The following VDAC1 variants were observed in gnomAD, a reference collection of about 807,000 sequenced individuals.
VDAC1 encodes the protein voltage dependent anion channel 1.
In VDAC1, 10 loss-of-function variants were observed where a neutral mutation model predicts 34.7. The ratio of observed to expected loss-of-function variants is 0.29; its 90% CI spans 0.18 to 0.49. The LOEUF (loss-of-function observed/expected upper bound fraction) is 0.49, where lower values mean the gene tolerates loss of function less well. Ranked by LOEUF, VDAC1 falls within the 20% of genes least tolerant of loss-of-function variation. The pLI is 0.99. For missense variants in VDAC1, 230 were observed against 347.9 expected (o/e 0.66, Z 2.69); for synonymous variants, 130 against 136.0 (o/e 0.96, Z 0.30).
the VDAC1 span, among the ~76,000 whole-genome samples, chr5:134,060,218 A>G: frequency 6.6e-6 from 1 of 151,862 alleles, no homozygotes; most frequent in Non-Finnish European, 1.5e-5. Context: ...TAATAATAAT[A>G]ATACTGGTCA....
chr5:134,022,238 C>T, the VDAC1 span, among the ~76,000 whole-genome samples: 9 of 147,562 alleles, frequency 6.1e-5, no homozygotes, highest in African/African-American at 2.2e-4. Context: ...CTGCTCTAAA[C>T]ACCAGCTCCC....
chr5:134,083,710 A>AGGGT, the VDAC1 span, among the ~76,000 whole-genome samples: 202 of 152,320 alleles, frequency 1.3e-3, 1 homozygote, highest in East Asian at 0.022. Flanking sequence ...ACCAAAAGCA[A>AGGGT]CTATGTGCCA....
chr5:133,990,168 GA>G (rs1294524772), intron 5 of VDAC1, among the ~76,000 whole-genome samples: 4 of 152,238 alleles, frequency 2.6e-5, no homozygotes, highest in Admixed American at 2.0e-4. Context: ...TGATGGTCAA[GA>G]ACTAACAAGC....
intron 5 of VDAC1, among the ~76,000 whole-genome samples, chr5:133,981,390 G>A (rs185690789): frequency 4.6e-5 from 7 of 152,232 alleles, no homozygotes; most frequent in East Asian, 3.9e-4. Context: ...TTAAAGAGAC[G>A]GTTTTCTTCT....
chr5:134,041,748 C>T, the VDAC1 span, among the ~76,000 whole-genome samples: 1 of 152,156 alleles, frequency 6.6e-6, no homozygotes, highest in Non-Finnish European at 1.5e-5. Context: ...TTGCATGGCC[C>T]CATGAGGAGC....
At chr5:133,994,117 A>G (rs1753207515) in intron 1 of VDAC1, among the ~76,000 whole-genome samples, 1 of 152,210 alleles carries the variant, frequency 6.6e-6, no homozygotes, top group Non-Finnish European at 1.5e-5. Flanking sequence ...TCACACAAAT[A>G]AACACATATA....
chr5:134,026,541 A>T, the VDAC1 span, among the ~76,000 whole-genome samples: 14 of 140,726 alleles, frequency 9.9e-5, no homozygotes, highest in Non-Finnish European at 6.2e-5. Flanking sequence ...AAAAAAAAAC[A>T]CTAAACATTT....
the VDAC1 span, among the ~76,000 whole-genome samples, chr5:134,068,022 G>A: frequency 6.6e-6 from 1 of 152,150 alleles, no homozygotes; most frequent in Non-Finnish European, 1.5e-5. Flanking sequence ...GGAGGCTGAG[G>A]CAGGAGAGTC....
the VDAC1 span, among the ~76,000 whole-genome samples, chr5:134,062,744 A>G: frequency 0.65 from 98,338 of 151,268 alleles, 32,913 homozygotes; most frequent in East Asian, 0.79. Context: ...CTCCCGCCTC[A>G]GCCTCCTGAG....
the VDAC1 span, among the ~76,000 whole-genome samples, chr5:134,013,834 C>T: frequency 2.0e-5 from 3 of 151,988 alleles, no homozygotes; most frequent in African/African-American, 4.8e-5. Context: ...CCCAGCTACT[C>T]GGGAGGCTGA....
At chr5:134,001,041 C>T (rs79271881) in intron 1 of VDAC1, among the ~76,000 whole-genome samples, 2,314 of 152,314 alleles carry the variant, frequency 0.015, 52 homozygotes, top group African/African-American at 0.052. Context: ...TGTCCACTGC[C>T]AGTTGGCCCG....
chr5:134,081,807 C>A, the VDAC1 span: 4 of 152,708 alleles, frequency 2.6e-5, 1 homozygote, highest in Non-Finnish European at 4.4e-5. Context: ...AAGAAAATCA[C>A]TGAGGCTGGA....
the VDAC1 span, among the ~76,000 whole-genome samples, chr5:134,023,978 CA>C: frequency 0.072 from 8,596 of 119,554 alleles, 357 homozygotes; most frequent in East Asian, 0.18. Flanking sequence ...ACTAAAAATA[CA>C]AAAAAAAAAA....
intron 5 of VDAC1, among the ~76,000 whole-genome samples, chr5:133,986,136 C>T (rs564613318): frequency 5.4e-4 from 83 of 152,298 alleles, no homozygotes; most frequent in African/African-American, 1.9e-3. Context: ...GACAAGCACC[C>T]GAGAGAGGCC....
At chr5:134,094,622 G>A in the VDAC1 span, among the ~76,000 whole-genome samples, 2 of 147,532 alleles carry the variant, frequency 1.4e-5, no homozygotes, top group East Asian at 2.1e-4. Context: ...GCGTGAACCC[G>A]GGAGGCGGAG....
the VDAC1 span, among the ~76,000 whole-genome samples, chr5:134,091,128 T>C: frequency 6.6e-6 from 1 of 152,158 alleles, no homozygotes; most frequent in Non-Finnish European, 1.5e-5. Context: ...AAATCAGTGC[T>C]CAAGCACAGA....
chr5:134,056,434 A>ATTT, the VDAC1 span, among the ~76,000 whole-genome samples: 13 of 118,672 alleles, frequency 1.1e-4, no homozygotes, highest in Non-Finnish European at 2.1e-4. Context: ...GCTGCACTGA[A>ATTT]TTTTTTTTTT....
At chr5:133,993,979 C>T (rs1280103391) in intron 1 of VDAC1, among the ~76,000 whole-genome samples, 1 of 152,208 alleles carries the variant, frequency 6.6e-6, no homozygotes, top group Non-Finnish European at 1.5e-5. Context: ...TCATCTCCTG[C>T]ACCTTCTCCA....
intron 6 of VDAC1, among the ~76,000 whole-genome samples, chr5:133,980,272 T>A (rs1752639647): frequency 6.6e-6 from 1 of 152,242 alleles, no homozygotes; most frequent in African/African-American, 2.4e-5. Flanking sequence ...TACTTTTACA[T>A]GCTTCACTGT....
Sources: allele counts gnomAD v4.1 joint callset (sites outside exome capture counted in the v4.1 genomes callset), GRCh38; gene constraint gnomAD v4.1.1; transcripts MANE v1.5; gene names NCBI Gene and HGNC (gene_info 2026-07-23, HGNC 2026-07-21).